Variants in KCNIP1 observed in about 807,000 individuals in gnomAD.
KCNIP1 encodes the protein potassium voltage-gated channel interacting protein 1.
In KCNIP1, 18 loss-of-function variants were observed where a neutral mutation model predicts 33.0. The ratio of observed to expected loss-of-function variants is 0.55; its 90% CI spans 0.38 to 0.81. The LOEUF (loss-of-function observed/expected upper bound fraction) is 0.81. Among genes scored for constraint, KCNIP1 ranks in the 30% least tolerant of loss-of-function variants. KCNIP1 has a pLI of 0.00. For missense variants in KCNIP1, 238 were observed against 271.6 expected (o/e 0.88, Z 0.87); for synonymous variants, 93 against 98.3 (o/e 0.95, Z 0.32).
intron 1 of KCNIP1, among the ~76,000 whole-genome samples, chr5:170,420,930 G>A (rs1384825748): frequency 6.6e-6 from 1 of 152,262 alleles, no homozygotes; most frequent in Middle Eastern, 3.4e-3. Context: ...CGTATGGCTG[G>A]GGTCTGCCAG....
chr5:170,395,970 G>A (rs1754751335), intron 1 of KCNIP1, among the ~76,000 whole-genome samples: 1 of 152,216 alleles, frequency 6.6e-6, no homozygotes. Context: ...GGCACCGTGA[G>A]AGCCTTTGCA....
At chr5:170,709,206 T>C (rs1763363240) in intron 1 of KCNIP1, among the ~76,000 whole-genome samples, 2 of 152,236 alleles carry the variant, frequency 1.3e-5, no homozygotes, top group Non-Finnish European at 2.9e-5. Flanking sequence ...CCCCTATTGA[T>C]TTTTTTGTCT....
chr5:170,501,310 C>T (rs1223668542), upstream of KCNIP1, among the ~76,000 whole-genome samples: 11 of 152,084 alleles, frequency 7.2e-5, no homozygotes, highest in East Asian at 3.9e-4. Flanking sequence ...GGGAACAGCA[C>T]GTGCAAAGGC....
intron 1 of KCNIP1, among the ~76,000 whole-genome samples, chr5:170,417,105 A>T (rs1755351046): frequency 1.3e-5 from 2 of 152,224 alleles, no homozygotes; most frequent in African/African-American, 4.8e-5. Flanking sequence ...AAGAGGGGTT[A>T]TTTAAATAAA....
chr5:170,357,046 G>C (rs1763367042), intron 1 of KCNIP1, among the ~76,000 whole-genome samples: 1 of 151,946 alleles, frequency 6.6e-6, no homozygotes, highest in Non-Finnish European at 1.5e-5. Context: ...GCAGGCTTCT[G>C]GCATCCCCAC....
intron 1 of KCNIP1, among the ~76,000 whole-genome samples, chr5:170,600,417 C>A (rs575871309): frequency 7.2e-5 from 11 of 152,164 alleles, no homozygotes; most frequent in Admixed American, 3.3e-4. Context: ...CCAAAACCAG[C>A]TTGTCCTTTA....
At chr5:170,386,878 C>T (rs1010074807) in intron 1 of KCNIP1, among the ~76,000 whole-genome samples, 15 of 151,880 alleles carry the variant, frequency 9.9e-5, no homozygotes, top group Non-Finnish European at 1.9e-4. Flanking sequence ...CTTGTTTTTC[C>T]CCTGGACATT....
chr5:170,610,672 CTA>C, intron 1 of KCNIP1, among the ~76,000 whole-genome samples: 1 of 152,318 alleles, frequency 6.6e-6, no homozygotes, highest in East Asian at 1.9e-4. Flanking sequence ...AGGAAAATGA[CTA>C]TTTTATGTAT....
At chr5:170,614,097 G>A (rs1056382144) in intron 1 of KCNIP1, among the ~76,000 whole-genome samples, 1 of 152,220 alleles carries the variant, frequency 6.6e-6, no homozygotes, top group Non-Finnish European at 1.5e-5. Context: ...GGTTCATCTG[G>A]CTGTGTCACA....
intron 1 of KCNIP1, among the ~76,000 whole-genome samples, chr5:170,567,491 A>G (rs1371864757): frequency 6.6e-6 from 1 of 152,234 alleles, no homozygotes; most frequent in Non-Finnish European, 1.5e-5. Flanking sequence ...GATGAGGATC[A>G]TAGAGGAGAT....
At chr5:170,655,692 C>A (rs1761231521) in intron 1 of KCNIP1, among the ~76,000 whole-genome samples, 1 of 152,136 alleles carries the variant, frequency 6.6e-6, no homozygotes, top group Non-Finnish European at 1.5e-5. Context: ...GTGCTGGGAC[C>A]ATAACCCTGT....
intron 1 of KCNIP1, among the ~76,000 whole-genome samples, chr5:170,562,532 C>T (rs1443279692): frequency 1.3e-5 from 2 of 152,178 alleles, no homozygotes; most frequent in African/African-American, 4.8e-5. Context: ...ACTGGCCTCT[C>T]CTCCCTTGTC....
rs1432236798 is a variant in KCNIP1 at position 170,720,326 on chromosome 5, C to T, written c.192C>T (p.Cys64=). 4 of 1,613,490 alleles carry T rather than the reference C, an allele frequency of 2.5e-6. No individual in the cohort carries two copies. The highest frequency in any genetic ancestry group is 3.3e-5 in the Admixed American group (2 of 59,998). The part of the protein sequence containing the change: ...QVLYRGFKNE[C]PSGVVNEDTF... ...ACTCTCTCCCCTTCCCACAGGAGTGCCCCAGTGGTGTGGTCAACGAAGACA... is the reference window on the plus strand; with the variant it reads ...ACTCTCTCCCCTTCCCACAGGAGTGTCCCAGTGGTGTGGTCAACGAAGACA... Residue 64 remains cysteine, a synonymous_variant, in exon 3 of 8, where the codon TGC becomes TGT. Coordinates refer to ENST00000328939, the MANE Select transcript of KCNIP1 (RefSeq NM_014592.4).
intron 1 of KCNIP1, among the ~76,000 whole-genome samples, chr5:170,634,628 A>G (rs1308273985): frequency 6.6e-6 from 1 of 152,224 alleles, no homozygotes; most frequent in Non-Finnish European, 1.5e-5. Context: ...AAGAGGGAAG[A>G]AAAGAGCATT....
intron 1 of KCNIP1, among the ~76,000 whole-genome samples, chr5:170,636,416 G>T (rs1283733773): frequency 2.0e-5 from 3 of 152,168 alleles, no homozygotes; most frequent in Non-Finnish European, 4.4e-5. Context: ...CTATCACAGG[G>T]GGGTGGCCGA....
chr5:170,535,224 C>A (rs1755936496), intron 1 of KCNIP1, among the ~76,000 whole-genome samples: 1 of 152,142 alleles, frequency 6.6e-6, no homozygotes, highest in Admixed American at 6.5e-5. Flanking sequence ...AGGAGGGAGG[C>A]CGTGTCCTCC....
At chr5:170,434,780 C>A (rs916269251) in intron 1 of KCNIP1, among the ~76,000 whole-genome samples, 1 of 152,118 alleles carries the variant, frequency 6.6e-6, no homozygotes, top group Non-Finnish European at 1.5e-5. Flanking sequence ...CATGGTGAAA[C>A]CCCATCTCTA....
intron 1 of KCNIP1, among the ~76,000 whole-genome samples, chr5:170,367,509 G>T (rs1344177023): frequency 1.3e-5 from 2 of 152,056 alleles, no homozygotes; most frequent in African/African-American, 2.4e-5. Context: ...TAGAGTAGGG[G>T]CCTAACAAAT....
At chr5:170,397,894 C>T (rs1298389535) in intron 1 of KCNIP1, among the ~76,000 whole-genome samples, 2 of 152,112 alleles carry the variant, frequency 1.3e-5, no homozygotes, top group Non-Finnish European at 2.9e-5. Context: ...GAAGAGGGGG[C>T]TGCCAGGTTA....
Sources: allele counts gnomAD v4.1 joint callset (sites outside exome capture counted in the v4.1 genomes callset), GRCh38; gene constraint gnomAD v4.1.1; transcripts MANE v1.5; gene names NCBI Gene and HGNC (gene_info 2026-07-23, HGNC 2026-07-21).